Variants in PIEZO2 observed in about 807,000 individuals in gnomAD.
PIEZO2 encodes piezo-type mechanosensitive ion channel component 2.
Under a neutral mutation model 337.3 loss-of-function variants are expected in PIEZO2, and 172 were observed. That is an observed-to-expected ratio of 0.51 (90% CI 0.45 to 0.58). PIEZO2 has a LOEUF of 0.58. Ranked by LOEUF, PIEZO2 falls within the 20% of genes least tolerant of loss-of-function variation. The probability of loss-of-function intolerance (pLI) is 0.00; values close to 1 mark genes in which losing one functional copy is unlikely to be tolerated. For missense variants in PIEZO2, 3,028 were observed against 3,391.3 expected, an observed-to-expected ratio of 0.89 and a Z score of 2.66; for synonymous variants, 1,251 against 1,228.5, an observed-to-expected ratio of 1.02 and a Z score of -0.38.
intron 29 of PIEZO2, among the ~76,000 whole-genome samples, chr18:10,749,829 C>G (rs1235399305): frequency 6.6e-6 from 1 of 152,176 alleles, no homozygotes; most frequent in Non-Finnish European, 1.5e-5. Context: ...GTTACTACAG[C>G]ACTACATCCA....
chr18:10,755,723 C>T (rs759599783), intron 27 of PIEZO2, among the ~76,000 whole-genome samples: 2 of 152,040 alleles, frequency 1.3e-5, no homozygotes, highest in Non-Finnish European at 2.9e-5. Flanking sequence ...CTTGCATGGC[C>T]ACAGGGGAGA....
chr18:10,695,935 G>A (rs1432269284), intron 47 of PIEZO2, 139 bp downstream of exon 47: 26 of 791,196 alleles, frequency 3.3e-5, no homozygotes, highest in Non-Finnish European at 5.5e-5. Context: ...CAAACCTTTA[G>A]CTCTTCCTAC....
chr18:10,796,805 ATCATATCATACATACTG>A (rs1165398896), intron 12 of PIEZO2, among the ~76,000 whole-genome samples: 1 of 152,140 alleles, frequency 6.6e-6, no homozygotes, highest in Non-Finnish European at 1.5e-5. Context: ...CATACATACC[ATCATATCATACATACTG>A]TCATATCATA....
In PIEZO2 at chr18:10,953,512, A is replaced by C. The variant is rs264178; in HGVS notation, c.286+26023T>G. Among the ~76,000 whole-genome samples the C allele has an allele frequency of 0.58, 88,060 of 151,928 alleles. 25,952 individuals carry two copies. Among genetic ancestry groups the C allele is most frequent in the African/African-American group, 0.65 (27,050 of 41,412 alleles). ...AGTGTATTCTTTCTTCACAAAATTG[A>C]ATTTGTATCTCTATGGAAAATCAAG... is the stretch of plus-strand genomic sequence containing the variant. On this transcript the variant is annotated intron_variant, in intron 3 of 55. Transcript: ENST00000674853. The surrounding 1 kb of genome is among the most constrained non-coding windows in gnomAD (Gnocchi z 5.2).
Position 10,718,126 on chromosome 18 carries a change from C to T in PIEZO2, c.5089+74G>A, listed in dbSNP as rs554241970. 5.6e-5 allele frequency: 72 copies of T among 1,295,884 alleles called. No individual in the cohort carries two copies. In the South Asian group the frequency reaches 8.7e-4, roughly 16 times the overall value. The allele number at this position is 1,295,884 out of a possible 1,614,324, so 80.3% of individuals were successfully genotyped here. On this transcript the variant is annotated intron_variant, in intron 37 of 55. Transcript: ENST00000674853. ...TTCGATTCACAATTTTTCAGGCAGC[C>T]TTCCATTATATACGATCTGGGCAGG... is the stretch of plus-strand genomic sequence containing the variant.
intron 1 of PIEZO2, among the ~76,000 whole-genome samples, chr18:11,074,457 A>G (rs2038459244): frequency 1.3e-5 from 2 of 152,168 alleles, no homozygotes; most frequent in Non-Finnish European, 2.9e-5. Context: ...AAATTATACA[A>G]CAGCTGACAG....
intron 9 of PIEZO2, among the ~76,000 whole-genome samples, chr18:10,803,026 C>G (rs189519932): frequency 6.6e-6 from 1 of 151,844 alleles, no homozygotes; most frequent in East Asian, 1.9e-4. Context: ...TGTGGACAGT[C>G]TTTGCTACTC....
chr18:10,889,822 A>G (rs1480150400), intron 4 of PIEZO2, among the ~76,000 whole-genome samples: 2 of 152,178 alleles, frequency 1.3e-5, no homozygotes, highest in Admixed American at 6.5e-5. Flanking sequence ...CCACTGCCAG[A>G]TGCTTGGCTG....
intron 21 of PIEZO2, among the ~76,000 whole-genome samples, chr18:10,765,032 A>C (rs1050373815): frequency 3.9e-5 from 6 of 152,216 alleles, no homozygotes; most frequent in Non-Finnish European, 7.3e-5. Context: ...AGAACTTTTA[A>C]TTTTCTGAGT....
At position 11,129,272 on chromosome 18, in the gene PIEZO2, A is replaced by G. The variant is rs1379026462; in HGVS notation, c.64+19253T>C. On this transcript the variant is annotated intron_variant, in intron 1 of 55. Coordinates refer to ENST00000674853, the MANE Select transcript of PIEZO2 (RefSeq NM_001378183.1). This position sits in a 1 kb window ranked among gnomAD's most constrained non-coding sequence, Gnocchi z 4.6. ...CACTCAACTACAAAACTTAAATACA[A>G]TGAGAATAATTGGATCCCGAGGTGG... Among the ~76,000 whole-genome samples, 2 of 152,186 alleles carry G rather than the reference A, an allele frequency of 1.3e-5. No individual in the cohort carries two copies. Among genetic ancestry groups the G allele is most frequent in the Non-Finnish European group, 2.9e-5 (2 of 68,020 alleles).
chr18:11,036,082 A>G (rs888369038), intron 2 of PIEZO2, among the ~76,000 whole-genome samples: 1 of 152,226 alleles, frequency 6.6e-6, no homozygotes, highest in African/African-American at 2.4e-5. Context: ...GTCACAGTTC[A>G]TAGGAGATTC....
intron 49 of PIEZO2, among the ~76,000 whole-genome samples, chr18:10,683,809 C>T (rs575781584): frequency 6.6e-6 from 1 of 152,320 alleles, no homozygotes; most frequent in African/African-American, 2.4e-5. Context: ...ATTAATGTAT[C>T]TCTGCCAAGG....
In PIEZO2 at chr18:10,969,330, T is replaced by G. The variant is rs1184823780; in HGVS notation, c.286+10205A>C. On this transcript the variant is annotated intron_variant, in intron 3 of 55. Transcript: ENST00000674853. The surrounding 1 kb of genome is among the most constrained non-coding windows in gnomAD (Gnocchi z 4.5). ...AGCAAACCAAATCAATCCCAAATCA[T>G]TTTAAACTTCCTGCTCTGTGATTTG... is the stretch of plus-strand genomic sequence containing the variant. 6.6e-6 allele frequency among the ~76,000 whole-genome samples: 1 copy of G among 152,160 alleles called. No individual in the cohort carries two copies. Among genetic ancestry groups the G allele is most frequent in the African/African-American group, 2.4e-5 (1 of 41,448 alleles).
intron 39 of PIEZO2, among the ~76,000 whole-genome samples, chr18:10,709,924 A>ATG (rs1449436786): frequency 1.8e-4 from 28 of 152,270 alleles, no homozygotes; most frequent in Non-Finnish European, 2.8e-4. Context: ...TGGCCTGGAC[A>ATG]AAATGAGGAG....
intron 27 of PIEZO2, among the ~76,000 whole-genome samples, chr18:10,753,531 G>A (rs767847560): frequency 2.6e-5 from 4 of 152,196 alleles, no homozygotes; most frequent in Non-Finnish European, 5.9e-5. Flanking sequence ...GCGGGTCAAT[G>A]TCATCTGACA....
At chr18:11,140,263 T>A (rs1283718917) in intron 1 of PIEZO2, among the ~76,000 whole-genome samples, 3 of 152,116 alleles carry the variant, frequency 2.0e-5, no homozygotes, top group African/African-American at 7.2e-5. Context: ...CACTGTAACA[T>A]CCCAATCTCC....
At chr18:10,887,658 G>T (rs113977919) in intron 4 of PIEZO2, among the ~76,000 whole-genome samples, 1 of 152,186 alleles carries the variant, frequency 6.6e-6, no homozygotes, top group African/African-American at 2.4e-5. Flanking sequence ...ACTTGTTTGT[G>T]CCTGGGATCC....
Position 10,773,707 on chromosome 18 carries a change from AT to A in PIEZO2, c.2568-79del. 1 of 1,336,732 alleles carries A rather than the reference AT, an allele frequency of 7.5e-7. No homozygotes were observed. The highest frequency in any genetic ancestry group is 1.0e-6 in the Non-Finnish European group (1 of 968,800). 82.8% of individuals were successfully genotyped at this position (1,336,732 alleles called of 1,614,324 possible). A position where few individuals can be genotyped will look rare whatever the true frequency, so the allele number is the denominator to read the frequency against. On this transcript the variant is annotated intron_variant, in intron 19 of 55. Transcript: ENST00000674853. The surrounding 1 kb of genome is among the most constrained non-coding windows in gnomAD (Gnocchi z 5.3). The stretch of plus-strand genomic sequence containing the variant: ...TGACTGAGGGGCAAGTAAAAGGAGG[AT>A]AAACACAAATGAAATCAGTGCATGT...
Position 11,016,029 on chromosome 18 carries a change from T to C in PIEZO2, c.161-36369A>G, listed in dbSNP as rs1385768345. On this transcript the variant is annotated intron_variant, in intron 2 of 55. Transcript: ENST00000674853. This position sits in a 1 kb window ranked among gnomAD's most constrained non-coding sequence, Gnocchi z 5.6. ...TGGTGACATTCTCCCCTTTTCCTTG[T>C]TCTCCCTTTTCACCCTGGCCTCCTT... 6.6e-6 allele frequency among the ~76,000 whole-genome samples: 1 copy of C among 152,194 alleles called. No individual in the cohort carries two copies. The highest frequency in any genetic ancestry group is 1.9e-4 in the East Asian group (1 of 5,186).
Sources: allele counts gnomAD v4.1 joint callset (sites outside exome capture counted in the v4.1 genomes callset), GRCh38; gene constraint gnomAD v4.1.1; non-coding constraint Gnocchi (gnomAD v3.1); transcripts MANE v1.5; gene names NCBI Gene and HGNC (gene_info 2026-07-23, HGNC 2026-07-21).